HDAC9: variants seen among roughly 807,000 people sequenced by gnomAD.
The protein encoded by HDAC9 is MEF-2 interacting transcription repressor (MITR) protein.
A neutral mutation model predicts 139.4 loss-of-function variants in HDAC9; 41 were observed. That is an observed-to-expected ratio of 0.29 (90% CI 0.23 to 0.38). The LOEUF is 0.38. Among genes scored for constraint, HDAC9 ranks in the 10% least tolerant of loss-of-function variants. HDAC9 has a pLI of 1.00. For missense variants in HDAC9, 1,147 were observed against 1,297.0 expected, an observed-to-expected ratio of 0.88 and a Z score of 1.78; for synonymous variants, 517 against 476.2, an observed-to-expected ratio of 1.09 and a Z score of -1.12.
intron 1 of HDAC9, among the ~76,000 whole-genome samples, chr7:18,319,240 T>C (rs1020877547): frequency 2.6e-5 from 4 of 152,234 alleles, no homozygotes; most frequent in African/African-American, 4.8e-5. Flanking sequence ...AAGATTTGTT[T>C]GGGGTTCAGT....
At chr7:18,356,867 A>G (rs1175718483) in intron 1 of HDAC9, among the ~76,000 whole-genome samples, 1 of 152,168 alleles carries the variant, frequency 6.6e-6, no homozygotes, top group Non-Finnish European at 1.5e-5. Context: ...GAATTTTTAA[A>G]GTTGTAAGAC....
At chr7:18,694,972 T>C (rs557026426) in intron 12 of HDAC9, among the ~76,000 whole-genome samples, 1 of 152,306 alleles carries the variant, frequency 6.6e-6, no homozygotes, top group East Asian at 1.9e-4. Flanking sequence ...TTTGTTTCAT[T>C]AAAACCCTAA....
intron 17 of HDAC9, among the ~76,000 whole-genome samples, chr7:18,804,446 G>A (rs1353912170): frequency 6.6e-6 from 1 of 151,966 alleles, no homozygotes; most frequent in Non-Finnish European, 1.5e-5. Context: ...AAAATGAAGG[G>A]TCTATTTCTA....
chr7:18,298,448 C>T (rs529453988), intron 1 of HDAC9, among the ~76,000 whole-genome samples: 2 of 152,140 alleles, frequency 1.3e-5, no homozygotes, highest in African/African-American at 2.4e-5. Flanking sequence ...CCCCACCCCA[C>T]CACAGTCCCC....
chr7:18,130,285 A>G (rs1369384647), intron 1 of HDAC9, among the ~76,000 whole-genome samples: 1 of 152,110 alleles, frequency 6.6e-6, no homozygotes, highest in Non-Finnish European at 1.5e-5. Context: ...CAACCTATAT[A>G]ATGCTCAACC....
At chr7:18,211,545 T>G (rs1178384) in intron 2 of HDAC9, among the ~76,000 whole-genome samples, 7,750 of 152,298 alleles carry the variant, frequency 0.051, 301 homozygotes, top group African/African-American at 0.1. Context: ...GATTTGATTC[T>G]TCTCACAAAA....
At chr7:18,170,747 G>T (rs1422591565) in intron 2 of HDAC9, among the ~76,000 whole-genome samples, 1 of 152,162 alleles carries the variant, frequency 6.6e-6, no homozygotes, top group Admixed American at 6.5e-5. Flanking sequence ...TCAAAGATCA[G>T]ATGGTTGTAG....
At chr7:18,175,898 A>C (rs1203915029) in intron 2 of HDAC9, among the ~76,000 whole-genome samples, 1 of 151,298 alleles carries the variant, frequency 6.6e-6, no homozygotes, top group African/African-American at 2.4e-5. Flanking sequence ...CTTAATGTCC[A>C]AGAAAATGTT....
At chr7:18,521,055 T>A (rs779962200) in intron 2 of HDAC9, among the ~76,000 whole-genome samples, 4 of 152,204 alleles carry the variant, frequency 2.6e-5, no homozygotes, top group Non-Finnish European at 5.9e-5. Context: ...GATAATTTGA[T>A]TTGAAATCTT....
At chr7:18,495,713 T>G (rs1796765706), upstream of HDAC9, 1 of 986,272 alleles carries the variant, frequency 1.0e-6, no homozygotes, top group Non-Finnish European at 1.2e-6. Flanking sequence ...ATCACTCGCT[T>G]TAGCCAACTT....
At chr7:18,145,877 A>T (rs1001707186) in intron 1 of HDAC9, among the ~76,000 whole-genome samples, 3 of 152,168 alleles carry the variant, frequency 2.0e-5, no homozygotes. Context: ...AGGAAGCTCA[A>T]CCTAGGAGAA....
chr7:18,625,715 C>T (rs995916410), intron 6 of HDAC9, among the ~76,000 whole-genome samples: 3 of 151,912 alleles, frequency 2.0e-5, no homozygotes, highest in Admixed American at 6.6e-5. Flanking sequence ...GAGGCCGAGG[C>T]GAGTGGATCA....
At chr7:18,451,744 G>A (rs1048954870) in intron 1 of HDAC9, among the ~76,000 whole-genome samples, 1 of 151,946 alleles carries the variant, frequency 6.6e-6, no homozygotes, top group African/African-American at 2.4e-5. Context: ...AGCCCTATCG[G>A]CATATTTGGT....
rs779074475 is a variant in HDAC9 at position 18,256,202 on chromosome 7, G to A, written c.25+93853G>A. On this transcript the variant is annotated intron_variant, in intron 2 of 12. Coordinates refer to the HDAC9 transcript ENST00000417496. ...TATTTTAGGGTTCCTACAAAAGATAGTAATGCTGTTGCTTAAGCAGAAAGT... is the reference window on the plus strand; with the variant it reads ...TATTTTAGGGTTCCTACAAAAGATAATAATGCTGTTGCTTAAGCAGAAAGT... 2.6e-4 allele frequency among the ~76,000 whole-genome samples: 39 copies of A among 152,250 alleles called. 1 individual carries two copies. The highest frequency in any genetic ancestry group is 1.7e-3 in the South Asian group (8 of 4,826).
chr7:18,596,645 G>A (rs1832589050), intron 6 of HDAC9, among the ~76,000 whole-genome samples: 2 of 152,066 alleles, frequency 1.3e-5, no homozygotes, highest in African/African-American at 2.4e-5. Flanking sequence ...AATGAAATCT[G>A]GAAGAGTGTC....
rs147396280 is a variant in HDAC9 at position 18,094,609 on chromosome 7, T to C, written c.-97+7396T>C. ...AGCGTACCTGGCTAATTAAAAAAAA[T>C]TATTTATTGTTTATTTTTAAACATT... is the stretch of plus-strand genomic sequence containing the variant. On this transcript the variant is annotated intron_variant, in intron 1 of 12. Transcript: ENST00000417496. Among the ~76,000 whole-genome samples the C allele has an allele frequency of 3.3e-5, 5 of 151,950 alleles. No individual in the cohort carries two copies. The East Asian group carries it at 7.7e-4, about 23-fold the overall frequency.
At chr7:18,125,432 C>CGTGT (rs10647409) in intron 1 of HDAC9, among the ~76,000 whole-genome samples, 1,546 of 142,642 alleles carry the variant, frequency 0.011, 6 homozygotes, top group Non-Finnish European at 0.015. Context: ...TATATATATG[C>CGTGT]GTGTGTGTGT....
intron 1 of HDAC9, among the ~76,000 whole-genome samples, chr7:18,291,422 A>G (rs1244304209): frequency 2.0e-5 from 3 of 152,104 alleles, no homozygotes; most frequent in African/African-American, 4.8e-5. Context: ...TCACCTAAAA[A>G]TGAATACAAT....
At chr7:18,650,238 G>A (rs115890382) in intron 11 of HDAC9, among the ~76,000 whole-genome samples, 1 of 152,154 alleles carries the variant, frequency 6.6e-6, no homozygotes, top group Admixed American at 6.6e-5. Context: ...AGAAATGTAT[G>A]TGGGAGGGAA....
Sources: allele counts gnomAD v4.1 joint callset (sites outside exome capture counted in the v4.1 genomes callset), GRCh38; gene constraint gnomAD v4.1.1; transcripts MANE v1.5; gene names NCBI Gene and HGNC (gene_info 2026-07-23, HGNC 2026-07-21).